Variants in BSX observed in about 807,000 individuals in gnomAD.
BSX encodes the protein brain-specific homeobox protein homolog.
In BSX, 12 loss-of-function variants were observed where a neutral mutation model predicts 16.9. The observed-to-expected ratio is 0.71, with a 90% CI of 0.46 to 1.15. The LOEUF is 1.15. BSX is among the 50% of genes most tolerant of loss of function. The pLI is 0.00. For missense variants in BSX, 292 were observed against 311.8 expected (o/e 0.94, Z 0.48); for synonymous variants, 160 against 136.4 (o/e 1.17, Z -1.20).
intron 1 of BSX, among the ~76,000 whole-genome samples, chr11:122,980,552 CTA>C (rs1181315223): frequency 6.6e-6 from 1 of 152,150 alleles, no homozygotes; most frequent in Admixed American, 6.5e-5. Context: ...CGCCTCTGAG[CTA>C]TGAGTCTGGA....
Position 122,981,728 on chromosome 11 carries a change from A to G in BSX, c.-57T>C, listed in dbSNP as rs1864575877. The stretch of plus-strand genomic sequence containing the variant: ...CCGGGACGAAGTGGAGGACGCAGGC[A>G]GAGTCTCCAAGCCTGCTCGAAAGCC... On this transcript the variant is annotated 5_prime_UTR_variant, in exon 1 of 3. Transcript: ENST00000343035. 3 of 1,500,544 alleles carry G rather than the reference A, an allele frequency of 2.0e-6. No individual in the cohort carries two copies. The highest frequency in any genetic ancestry group is 8.9e-7 in the Non-Finnish European group (1 of 1,122,110). The allele number at this position is 1,500,544 out of a possible 1,614,324, so 93.0% of individuals were successfully genotyped here. A position where few individuals can be genotyped will look rare whatever the true frequency, so the allele number is the denominator to read the frequency against.
In BSX at chr11:122,981,394, G is replaced by C; in HGVS notation, c.262+16C>G. 1 of 1,506,546 alleles carries C rather than the reference G, an allele frequency of 6.6e-7. No homozygotes were observed. Among genetic ancestry groups the C allele is most frequent in the Non-Finnish European group, 8.9e-7 (1 of 1,120,512 alleles). The allele number at this position is 1,506,546 out of a possible 1,614,324, so 93.3% of individuals were successfully genotyped here. A position where few individuals can be genotyped will look rare whatever the true frequency, so the allele number is the denominator to read the frequency against. ...TGCTCTCTCACTGCCCATACCTTGA[G>C]GTTCCTGTTACTTACCCGAGGTGGT... On this transcript the variant is annotated intron_variant, in intron 1 of 2. Transcript: ENST00000343035.
chr11:122,977,840 T>C lies in BSX; in HGVS notation c.511A>G (p.Lys171Glu). Residue 171 changes from lysine to glutamate, a missense_variant, in exon 3 of 3, where the codon AAA becomes GAA. Around this residue, in one of 3 missense-constraint regions of BSX, gnomAD observed 107 missense variants for 97.1 expected, o/e 1.10. Transcript: ENST00000343035. This position sits in a 1 kb window ranked among gnomAD's most constrained non-coding sequence, Gnocchi z 4.5. ...RRMKHKKQLR[K>E]SQDEPKAPDG... ...GGTGCTTTGGGTTCGTCTTGGCTTT[T>C]CCGCAGTTGCTTTTTATGCTTCATC... 1.2e-6 allele frequency: 2 copies of C among 1,614,028 alleles called. No individual in the cohort carries two copies. Among genetic ancestry groups the C allele is most frequent in the South Asian group, 2.2e-5 (2 of 91,074 alleles).
At position 122,977,931 on chromosome 11, in the gene BSX, C is replaced by G. The variant is rs1833173437; in HGVS notation, c.460-40G>C. On this transcript the variant is annotated intron_variant, in intron 2 of 2. Transcript: ENST00000343035. This position sits in a 1 kb window ranked among gnomAD's most constrained non-coding sequence, Gnocchi z 4.5. ...ATAAAAATAAAATCATGTCATTCCTCCAAATCTGAGCCATCGCTGGGGTTT... is the reference window on the plus strand; with the variant it reads ...ATAAAAATAAAATCATGTCATTCCTGCAAATCTGAGCCATCGCTGGGGTTT... 26 of 1,608,538 alleles carry G rather than the reference C, an allele frequency of 1.6e-5. No individual in the cohort carries two copies. Among genetic ancestry groups the G allele is most frequent in the Non-Finnish European group, 2.1e-5 (25 of 1,179,730 alleles).
intron 2 of BSX, among the ~76,000 whole-genome samples, chr11:122,978,451 A>G (rs1366993873): frequency 2.6e-5 from 4 of 152,120 alleles, no homozygotes; most frequent in African/African-American, 9.7e-5. Flanking sequence ...CAGGGAGAGA[A>G]CTTAAACCAT....
intron 1 of BSX, among the ~76,000 whole-genome samples, chr11:122,980,561 T>C (rs746964980): frequency 1.3e-5 from 2 of 152,190 alleles, no homozygotes; most frequent in African/African-American, 2.4e-5. Flanking sequence ...GCTATGAGTC[T>C]GGACTCAACG....
intron 1 of BSX, among the ~76,000 whole-genome samples, chr11:122,980,613 A>G (rs536130658): frequency 6.6e-6 from 1 of 152,082 alleles, no homozygotes; most frequent in African/African-American, 2.4e-5. Context: ...CAGAGAAAAA[A>G]CCATGGATGT....
chr11:122,981,563 C>A lies in BSX; in HGVS notation c.109G>T (p.Ala37Ser). The A allele has an allele frequency of 1.3e-6, 2 of 1,599,994 alleles. No individual in the cohort carries two copies. The highest frequency in any genetic ancestry group is 2.3e-5 in the East Asian group (1 of 44,410). Reference sequence around the variant, plus strand: ...AGAGAGCTGGCGAAATGGTCTGGGGCCACCTCTCTCAGCGGCTTGGGCTTG... The same window carrying A: ...AGAGAGCTGGCGAAATGGTCTGGGGACACCTCTCTCAGCGGCTTGGGCTTG... Reference protein sequence around the residue: ...LHKPKPLREVAPDHFASSLAS... With the variant: ...LHKPKPLREVSPDHFASSLAS... The change falls in exon 1 of 3, where the codon GCC becomes TCC. Residue 37 changes from alanine (A) to serine (S), a missense_variant. This residue lies in a region of BSX where 176 missense variants were observed against 187.2 expected (regional missense o/e 0.94). Coordinates refer to ENST00000343035, the MANE Select transcript of BSX (RefSeq NM_001098169.2).
intron 1 of BSX, among the ~76,000 whole-genome samples, chr11:122,980,567 C>T (rs1283724865): frequency 6.6e-6 from 1 of 152,114 alleles, no homozygotes; most frequent in Admixed American, 6.6e-5. Context: ...AGTCTGGACT[C>T]AACGAATTAT....
intron 1 of BSX, among the ~76,000 whole-genome samples, chr11:122,980,742 C>T (rs929882560): frequency 6.6e-6 from 1 of 152,188 alleles, no homozygotes; most frequent in African/African-American, 2.4e-5. Context: ...CTTTAGCACC[C>T]GGCTCCAGCA....
Position 122,977,685 on chromosome 11 carries a change from G to A in BSX, c.666C>T (p.Asp222=), listed in dbSNP as rs1449668356. 2 of 1,611,838 alleles carry A rather than the reference G, an allele frequency of 1.2e-6. No individual in the cohort carries two copies. The highest frequency in any genetic ancestry group is 1.3e-5 in the African/African-American group (1 of 75,026). Reference sequence around the variant, plus strand: ...GCGGCCCTGAGCCCAGCTCCCCCTCGTCTCCAATGTCCACCTCGTCCTCTG... The same window carrying A: ...GCGGCCCTGAGCCCAGCTCCCCCTCATCTCCAATGTCCACCTCGTCCTCTG... ...TEPEDEVDIG[D]EGELGSGPHV... Residue 222 remains aspartate (D), a synonymous_variant, in exon 3 of 3, where the codon GAC becomes GAT. Coordinates refer to ENST00000343035, the MANE Select transcript of BSX (RefSeq NM_001098169.2). The surrounding 1 kb of genome is among the most constrained non-coding windows in gnomAD (Gnocchi z 4.5).
intron 1 of BSX, 107 bp from the exon 2 acceptor site, chr11:122,979,564 C>T: frequency 1.1e-6 from 1 of 925,228 alleles, no homozygotes; most frequent in Non-Finnish European, 1.6e-6. Flanking sequence ...CTCCGCCCCT[C>T]GCCTCCGTCA....
In BSX at chr11:122,979,339, C is replaced by T; in HGVS notation, c.381G>A (p.Lys127=). 2 of 1,614,194 alleles carry T rather than the reference C, an allele frequency of 1.2e-6. No homozygotes were observed. Among genetic ancestry groups the T allele is most frequent in the Non-Finnish European group, 1.7e-6 (2 of 1,180,026 alleles). ...FSDSQLSGLE[K]RFEIQRYLST... is the part of the protein sequence containing the mutation. Reference sequence around the variant, plus strand: ...ACAGGTAGCGCTGGATCTCGAACCTCTTCTCCAAGCCCGAGAGCTGCGAGT... The same window carrying T: ...ACAGGTAGCGCTGGATCTCGAACCTTTTCTCCAAGCCCGAGAGCTGCGAGT... The change falls in exon 2 of 3, where the codon AAG becomes AAA. Residue 127 remains lysine (K), a synonymous_variant. Transcript: ENST00000343035.
In BSX at chr11:122,977,743, C is replaced by A. The variant is rs199952953; in HGVS notation, c.608G>T (p.Ser203Ile). The change falls in exon 3 of 3, where the codon AGC becomes ATC. Residue 203 changes from serine to isoleucine, a missense_variant. Physicochemically the swap from Ser to Ile is moderately radical, Grantham distance 142 (BLOSUM62 -2). Transcript: ENST00000343035. The surrounding 1 kb of genome is among the most constrained non-coding windows in gnomAD (Gnocchi z 4.5). ...CAGCACGAAGGGACCGGCGGGCAGG[C>A]TCAGCCGAGCCTCGGCGGCGGTGGC... is the stretch of plus-strand genomic sequence containing the variant. ...EAATAAEARL[S>I]LPAGPFVLTE... 5 of 1,610,008 alleles carry A rather than the reference C, an allele frequency of 3.1e-6. No individual in the cohort carries two copies. In the African/African-American group the frequency reaches 6.7e-5, roughly 21 times the overall value.
rs1184036619 is a variant in BSX at position 122,981,642 on chromosome 11, G to T, written c.30C>A (p.His10Gln). The change falls in exon 1 of 3, where the codon CAC becomes CAA. Residue 10 changes from histidine (H) to glutamine (Q), a missense_variant. Physicochemically the swap from His to Gln is conservative, Grantham distance 24. Transcript: ENST00000343035. ...ATGTGGGCCTCTGAGAAGACGCCGG[G>T]TGTAGAGGAGAGGTGAAGTTGAGAT... is the stretch of plus-strand genomic sequence containing the variant. MNLNFTSPL[H>Q]PASSQRPTSF... 6.3e-7 allele frequency: 1 copy of T among 1,594,900 alleles called. No homozygotes were observed. Among genetic ancestry groups the T allele is most frequent in the South Asian group, 1.1e-5 (1 of 87,724 alleles).
chr11:122,977,590 G>C lies in BSX; in HGVS notation c.*59C>G, dbSNP rs1864511275. 1.3e-6 allele frequency: 2 copies of C among 1,545,398 alleles called. No individual in the cohort carries two copies. Among genetic ancestry groups the C allele is most frequent in the East Asian group, 2.3e-5 (1 of 44,416 alleles). On this transcript the variant is annotated 3_prime_UTR_variant, in exon 3 of 3. Transcript: ENST00000343035. The surrounding 1 kb of genome is among the most constrained non-coding windows in gnomAD (Gnocchi z 4.5). The stretch of plus-strand genomic sequence containing the variant: ...AGTCTGAGTCTTCCGGTCCAGGAGG[G>C]AACCGCGCTCGGCCCCGCAGTCTCC...
chr11:122,980,338 C>T (rs1174949408), intron 1 of BSX, among the ~76,000 whole-genome samples: 1 of 152,202 alleles, frequency 6.6e-6, no homozygotes, highest in African/African-American at 2.4e-5. Context: ...TAACAACAAC[C>T]AGTGCGGGTA....
chr11:122,978,029 C>T (rs1864519842), intron 2 of BSX, 138 bp from the exon 3 acceptor site: 2 of 1,015,580 alleles, frequency 2.0e-6, no homozygotes, highest in East Asian at 4.8e-5. Flanking sequence ...TAAGTTATCG[C>T]CTTAAGCCGA....
chr11:122,977,833 T>G lies in BSX; in HGVS notation c.518A>C (p.Gln173Pro), dbSNP rs201802674. The stretch of plus-strand genomic sequence containing the variant: ...CCCGTCTGGTGCTTTGGGTTCGTCT[T>G]GGCTTTTCCGCAGTTGCTTTTTATG... The part of the protein sequence containing the change: ...MKHKKQLRKS[Q>P]DEPKAPDGPE... The change falls in exon 3 of 3, where the codon CAA becomes CCA. Residue 173 changes from glutamine (Q) to proline (P), a missense_variant. Around this residue, in one of 3 missense-constraint regions of BSX, gnomAD observed 107 missense variants for 97.1 expected, o/e 1.10. Coordinates refer to ENST00000343035, the MANE Select transcript of BSX (RefSeq NM_001098169.2). This position sits in a 1 kb window ranked among gnomAD's most constrained non-coding sequence, Gnocchi z 4.5. The G allele has an allele frequency of 6.1e-4, 985 of 1,614,032 alleles. 2 individuals carry two copies. Among genetic ancestry groups the G allele is most frequent in the Non-Finnish European group, 7.6e-4 (891 of 1,179,958 alleles).
Sources: allele counts gnomAD v4.1 joint callset (sites outside exome capture counted in the v4.1 genomes callset), GRCh38; gene constraint gnomAD v4.1.1; regional missense constraint gnomAD v4.1.1; non-coding constraint Gnocchi (gnomAD v3.1); transcripts MANE v1.5; gene names NCBI Gene and HGNC (gene_info 2026-07-23, HGNC 2026-07-21).